Variants in PLGRKT observed in about 807,000 individuals in gnomAD.
PLGRKT encodes plasminogen receptor (KT).
PLGRKT carries 22 observed loss-of-function variants against 18.5 expected under a neutral mutation model. The observed-to-expected ratio is 1.19, with a 90% CI of 0.85 to 1.70. The LOEUF is 1.70. Ranked by LOEUF, PLGRKT falls within the 40% of genes most tolerant of loss-of-function variation. The pLI, the probability that PLGRKT is intolerant of heterozygous loss-of-function variation, is 0.00. For synonymous variants in PLGRKT, 72 were observed against 52.8 expected, an observed-to-expected ratio of 1.36 and a Z score of -1.58; for missense variants, 235 against 174.4, an observed-to-expected ratio of 1.35 and a Z score of -1.96.
rs147948388 is a variant in PLGRKT at position 5,414,420 on chromosome 9, G to A, written c.81+17477C>T. 4.4e-3 allele frequency among the ~76,000 whole-genome samples: 673 copies of A among 152,196 alleles called. 7 individuals carry two copies. The highest frequency in any genetic ancestry group is 0.016 in the African/African-American group (655 of 41,502). ...TGACTCCAGGTGATCTGCCTACCTC[G>A]GCCTCCCAAAGTGGTGGGATTACAG... is the stretch of plus-strand genomic sequence containing the variant. On this transcript the variant is annotated intron_variant, in intron 3 of 5. Coordinates refer to ENST00000223864, the MANE Select transcript of PLGRKT (RefSeq NM_018465.4).
At chr9:5,419,112 T>C in intron 3 of PLGRKT, 1 of 200,318 alleles carries the variant, frequency 5.0e-6, no homozygotes. Flanking sequence ...GTTCATTTTG[T>C]CAAAGGCCAG....
At chr9:5,398,111 T>C (rs1012611578) in intron 3 of PLGRKT, among the ~76,000 whole-genome samples, 2 of 151,638 alleles carry the variant, frequency 1.3e-5, no homozygotes, top group Non-Finnish European at 2.9e-5. Flanking sequence ...GAGCAGACAA[T>C]GAATAAGATC....
intron 3 of PLGRKT, among the ~76,000 whole-genome samples, chr9:5,387,927 G>A (rs917445395): frequency 3.3e-5 from 5 of 151,812 alleles, no homozygotes; most frequent in Non-Finnish European, 5.9e-5. Flanking sequence ...GTGAGAAGTG[G>A]TTGGATTCTA....
At chr9:5,375,469 G>A (rs1817610032) in intron 3 of PLGRKT, among the ~76,000 whole-genome samples, 2 of 152,080 alleles carry the variant, frequency 1.3e-5, no homozygotes, top group Admixed American at 6.5e-5. Flanking sequence ...ATGAATTCCA[G>A]ATAAATCAAA....
At chr9:5,420,042 A>T (rs972194508) in intron 3 of PLGRKT, among the ~76,000 whole-genome samples, 2 of 152,258 alleles carry the variant, frequency 1.3e-5, no homozygotes, top group African/African-American at 4.8e-5. Flanking sequence ...ATTCAGCCAT[A>T]AAAAGGAATG....
chr9:5,380,370 TAAAAA>T (rs71326159), intron 3 of PLGRKT, among the ~76,000 whole-genome samples: 3 of 129,336 alleles, frequency 2.3e-5, no homozygotes, highest in Admixed American at 8.0e-5. Context: ...CTGTCTCAAT[TAAAAA>T]AAAAAAAAAA....
intron 3 of PLGRKT, among the ~76,000 whole-genome samples, chr9:5,369,920 A>G (rs1397502279): frequency 1.3e-5 from 2 of 151,948 alleles, no homozygotes; most frequent in African/African-American, 4.8e-5. Context: ...GGGGAACATC[A>G]CACACCAGGG....
At chr9:5,412,512 G>T (rs1818384583) in intron 3 of PLGRKT, among the ~76,000 whole-genome samples, 1 of 152,160 alleles carries the variant, frequency 6.6e-6, no homozygotes, top group African/African-American at 2.4e-5. Context: ...GCTTTCTTGG[G>T]CTTGCTTGCT....
intron 3 of PLGRKT, among the ~76,000 whole-genome samples, chr9:5,397,459 G>A (rs1292256472): frequency 6.6e-6 from 1 of 151,820 alleles, no homozygotes; most frequent in Non-Finnish European, 1.5e-5. Context: ...AGCAGTGACT[G>A]AGTTCAATTC....
intron 3 of PLGRKT, among the ~76,000 whole-genome samples, chr9:5,363,517 C>T (rs1349728659): frequency 6.6e-6 from 1 of 152,098 alleles, no homozygotes; most frequent in Non-Finnish European, 1.5e-5. Flanking sequence ...TTCTTCACAC[C>T]CCTTGGCCGC....
At chr9:5,376,789 T>C (rs3780388) in intron 3 of PLGRKT, among the ~76,000 whole-genome samples, 45,865 of 152,020 alleles carry the variant, frequency 0.3, 7,001 homozygotes, top group African/African-American at 0.31. Context: ...CATACATACA[T>C]ATAATCATAT....
chr9:5,423,323 A>C (rs1818613619), intron 3 of PLGRKT, among the ~76,000 whole-genome samples: 1 of 152,230 alleles, frequency 6.6e-6, no homozygotes, highest in African/African-American at 2.4e-5. Flanking sequence ...TGTGTAAATG[A>C]ATGTTGTAAT....
chr9:5,408,343 G>A (rs543187929), intron 3 of PLGRKT, among the ~76,000 whole-genome samples: 21 of 152,292 alleles, frequency 1.4e-4, no homozygotes, highest in South Asian at 8.3e-4. Flanking sequence ...TATGGGAAGC[G>A]GAGCAGTCAC....
chr9:5,357,998 T>C lies in PLGRKT; in HGVS notation c.*241A>G, dbSNP rs117269231. The C allele has an allele frequency of 0.016, 4,796 of 309,000 alleles. 50 individuals carry two copies. Among genetic ancestry groups the C allele is most frequent in the Non-Finnish European group, 0.023 (3,951 of 169,472 alleles). 19.1% of individuals were successfully genotyped at this position (309,000 alleles called of 1,614,324 possible). On this transcript the variant is annotated 3_prime_UTR_variant, in exon 6 of 6. Transcript: ENST00000223864. ...CCAGGAATTCAAAACAATTTATTAA[T>C]TTTACACTTAGATATTGGTAATGCA...
At chr9:5,395,144 G>C (rs369064402) in intron 3 of PLGRKT, among the ~76,000 whole-genome samples, 3 of 150,726 alleles carry the variant, frequency 2.0e-5, no homozygotes, top group East Asian at 3.9e-4. Flanking sequence ...TCTTCAAACA[G>C]ATTATCTTCA....
At chr9:5,414,420 G>T (rs147948388) in intron 3 of PLGRKT, among the ~76,000 whole-genome samples, 2 of 152,080 alleles carry the variant, frequency 1.3e-5, no homozygotes, top group Non-Finnish European at 2.9e-5. Context: ...TGCCTACCTC[G>T]GCCTCCCAAA....
intron 3 of PLGRKT, among the ~76,000 whole-genome samples, chr9:5,372,675 T>C (rs986017665): frequency 2.0e-5 from 3 of 152,148 alleles, no homozygotes; most frequent in African/African-American, 7.2e-5. Flanking sequence ...GCTAATGTCG[T>C]CTCGAAGCTT....
At chr9:5,399,442 G>A (rs976860917) in intron 3 of PLGRKT, among the ~76,000 whole-genome samples, 1 of 151,760 alleles carries the variant, frequency 6.6e-6, no homozygotes, top group Non-Finnish European at 1.5e-5. Context: ...TCAATAGGCA[G>A]ATTTTTTTTC....
intron 3 of PLGRKT, among the ~76,000 whole-genome samples, chr9:5,425,806 A>G (rs938888686): frequency 6.6e-6 from 1 of 152,204 alleles, no homozygotes; most frequent in Non-Finnish European, 1.5e-5. Context: ...GAAAAAAACA[A>G]TAACACAAAA....
Sources: allele counts gnomAD v4.1 joint callset (sites outside exome capture counted in the v4.1 genomes callset), GRCh38; gene constraint gnomAD v4.1.1; transcripts MANE v1.5; gene names NCBI Gene and HGNC (gene_info 2026-07-23, HGNC 2026-07-21).